Variants in AGBL4 observed in about 807,000 individuals in gnomAD.
AGBL4 encodes the protein AGBL carboxypeptidase 4.
AGBL4 carries 58 observed loss-of-function variants against 66.4 expected under a neutral mutation model. That is an observed-to-expected ratio of 0.87 (90% confidence interval 0.71 to 1.09). The LOEUF is 1.09. Ranked by LOEUF, AGBL4 falls within the 50% of genes least tolerant of loss-of-function variation. The pLI, the probability that AGBL4 is intolerant of heterozygous loss-of-function variation, is 0.00. For missense variants in AGBL4, 579 were observed against 631.0 expected, an observed-to-expected ratio of 0.92 and a Z score of 0.88; for synonymous variants, 234 against 222.9, an observed-to-expected ratio of 1.05 and a Z score of -0.44.
At chr1:48,643,472 T>G (rs1020032561) in intron 8 of AGBL4, among the ~76,000 whole-genome samples, 3 of 152,144 alleles carry the variant, frequency 2.0e-5, no homozygotes, top group Non-Finnish European at 4.4e-5. Flanking sequence ...ACTCAAGCAG[T>G]AAGACTCAAA....
At chr1:49,847,847 G>A (rs1479811580) in intron 2 of AGBL4, among the ~76,000 whole-genome samples, 7 of 151,894 alleles carry the variant, frequency 4.6e-5, no homozygotes, top group South Asian at 4.2e-4. Flanking sequence ...GACTATAGGC[G>A]CCCGCCACCT....
intron 2 of AGBL4, among the ~76,000 whole-genome samples, chr1:49,826,752 T>C (rs1316976566): frequency 1.3e-5 from 2 of 152,236 alleles, no homozygotes; most frequent in African/African-American, 4.8e-5. Flanking sequence ...TATCCATGGA[T>C]GTTTTGTGCA....
chr1:48,621,828 T>G (rs537292425), intron 9 of AGBL4, among the ~76,000 whole-genome samples: 1 of 152,308 alleles, frequency 6.6e-6, no homozygotes, highest in South Asian at 2.1e-4. Context: ...GCCATTTTTT[T>G]TTTTGCATAA....
chr1:48,527,764 G>A, the AGBL4 span, among the ~76,000 whole-genome samples: 1 of 152,098 alleles, frequency 6.6e-6, no homozygotes, highest in Non-Finnish European at 1.5e-5. Context: ...GAACAGAGAT[G>A]TTGGCTGGAA....
At chr1:48,561,394 T>A (rs1027275594) in intron 11 of AGBL4, among the ~76,000 whole-genome samples, 2 of 152,158 alleles carry the variant, frequency 1.3e-5, no homozygotes, top group African/African-American at 4.8e-5. Flanking sequence ...AATTATGTAA[T>A]CTTTGTACTG....
intron 3 of AGBL4, among the ~76,000 whole-genome samples, chr1:49,590,410 G>C (rs1301471723): frequency 6.6e-6 from 1 of 151,178 alleles, no homozygotes; most frequent in Non-Finnish European, 1.5e-5. Flanking sequence ...AAAAAAAGGA[G>C]GCTAGTCCCT....
chr1:49,090,839 A>G (rs1048054771), intron 4 of AGBL4, among the ~76,000 whole-genome samples: 1 of 152,344 alleles, frequency 6.6e-6, no homozygotes, highest in Admixed American at 6.5e-5. Context: ...TTCAAACTAT[A>G]TTACAAGGCC....
chr1:49,005,931 G>A (rs1193282405), intron 5 of AGBL4, among the ~76,000 whole-genome samples: 1 of 152,044 alleles, frequency 6.6e-6, no homozygotes, highest in Non-Finnish European at 1.5e-5. Flanking sequence ...AACCTGAGAG[G>A]CAGAGGTTGC....
intron 6 of AGBL4, among the ~76,000 whole-genome samples, chr1:48,669,346 C>T (rs141097560): frequency 6.6e-6 from 1 of 152,202 alleles, no homozygotes; most frequent in South Asian, 2.1e-4. Context: ...TCAGCATCAA[C>T]CCTACAGGTA....
At chr1:49,660,287 G>A (rs952152953) in intron 3 of AGBL4, among the ~76,000 whole-genome samples, 2 of 152,006 alleles carry the variant, frequency 1.3e-5, no homozygotes, top group African/African-American at 2.4e-5. Context: ...TAAAAAGTGG[G>A]CAAAGGACAT....
intron 5 of AGBL4, among the ~76,000 whole-genome samples, chr1:48,882,402 T>C (rs546400576): frequency 6.6e-6 from 1 of 152,340 alleles, no homozygotes; most frequent in East Asian, 1.9e-4. Flanking sequence ...TAAGGTATAA[T>C]TGACAAATAA....
chr1:48,926,104 G>T (rs1186579632), intron 5 of AGBL4, among the ~76,000 whole-genome samples: 2 of 152,080 alleles, frequency 1.3e-5, no homozygotes, highest in Non-Finnish European at 2.9e-5. Flanking sequence ...CAAAGAGGGA[G>T]GTTTTAATCC....
In AGBL4 at chr1:48,589,761, G is replaced by A. The variant is rs79299826; in HGVS notation, c.1104+1072C>T. Among the ~76,000 whole-genome samples the A allele has an allele frequency of 4.3e-3, 657 of 152,234 alleles. 5 individuals carry two copies. The highest frequency in any genetic ancestry group is 0.015 in the African/African-American group (624 of 41,532). Reference sequence around the variant, plus strand: ...TAATGCAGTGAGGATAGAAATTATCGTCCAGCAATTACAAAAAAATTGAGG... The same window carrying A: ...TAATGCAGTGAGGATAGAAATTATCATCCAGCAATTACAAAAAAATTGAGG... On this transcript the variant is annotated intron_variant, in intron 10 of 13. Transcript: ENST00000371839.
intron 4 of AGBL4, among the ~76,000 whole-genome samples, chr1:49,180,187 T>C (rs1301278632): frequency 6.6e-6 from 1 of 152,204 alleles, no homozygotes; most frequent in African/African-American, 2.4e-5. Flanking sequence ...CGTGAGCCAC[T>C]GCGCCCAGCT....
intron 3 of AGBL4, among the ~76,000 whole-genome samples, chr1:49,313,137 T>A (rs555848342): frequency 6.6e-6 from 1 of 152,230 alleles, no homozygotes; most frequent in East Asian, 1.9e-4. Flanking sequence ...TGGTTTTCTC[T>A]TCTTGTTTTA....
chr1:49,120,283 A>G (rs1230387325), intron 4 of AGBL4, among the ~76,000 whole-genome samples: 1 of 152,062 alleles, frequency 6.6e-6, no homozygotes, highest in Non-Finnish European at 1.5e-5. Flanking sequence ...TGGTCTTTAC[A>G]ATTTGGCATG....
At chr1:49,917,124 C>A (rs1651615774) in intron 1 of AGBL4, among the ~76,000 whole-genome samples, 4 of 152,128 alleles carry the variant, frequency 2.6e-5, no homozygotes, top group Admixed American at 2.6e-4. Context: ...CCAGCCACTG[C>A]AAAATCATGC....
chr1:48,534,953 T>G (rs1643944831), intron 12 of AGBL4, 37 bp from the exon 13 acceptor site: 1 of 1,542,062 alleles, frequency 6.5e-7, no homozygotes, highest in Non-Finnish European at 8.8e-7. Context: ...TTCCTGCCTC[T>G]TAGGCTCTAG....
At chr1:48,834,892 T>C (rs1055157228) in intron 6 of AGBL4, among the ~76,000 whole-genome samples, 2 of 152,176 alleles carry the variant, frequency 1.3e-5, no homozygotes, top group African/African-American at 4.8e-5. Flanking sequence ...ATGTTCAGCA[T>C]CTGGAGAGAC....
Sources: allele counts gnomAD v4.1 joint callset (sites outside exome capture counted in the v4.1 genomes callset), GRCh38; gene constraint gnomAD v4.1.1; transcripts MANE v1.5; gene names NCBI Gene and HGNC (gene_info 2026-07-23, HGNC 2026-07-21).